Variants in MARCO observed in about 807,000 individuals in gnomAD.
MARCO encodes the protein macrophage receptor MARCO.
Under a neutral mutation model 70.0 loss-of-function variants are expected in MARCO, and 72 were observed. The ratio of observed to expected loss-of-function variants is 1.03; its 90% CI spans 0.85 to 1.25. MARCO has a LOEUF of 1.25. Ranked by LOEUF, MARCO falls within the 50% of genes most tolerant of loss-of-function variation. The pLI is 0.00. For missense variants in MARCO, 696 were observed against 659.3 expected (o/e 1.06, Z -0.61); for synonymous variants, 273 against 243.1 (o/e 1.12, Z -1.14).
At chr2:118,958,090 C>T (rs1274404341) in intron 1 of MARCO, among the ~76,000 whole-genome samples, 1 of 151,728 alleles carries the variant, frequency 6.6e-6, no homozygotes, top group Non-Finnish European at 1.5e-5. Context: ...AGAACGGGAA[C>T]AAGATAAGGA....
Position 118,981,659 on chromosome 2 carries a change from A to G in MARCO, c.901+3A>G. 2 of 1,613,830 alleles carry G rather than the reference A, an allele frequency of 1.2e-6. No homozygotes were observed. The highest frequency in any genetic ancestry group is 1.7e-6 in the Non-Finnish European group (2 of 1,179,768). Reference sequence around the variant, plus strand: ...TCCTGGAGCTAAAGGAGATCAAGGTAAGAACTACAGGAATCTGGGCATCAT... The same window carrying G: ...TCCTGGAGCTAAAGGAGATCAAGGTGAGAACTACAGGAATCTGGGCATCAT... On this transcript the variant is annotated splice_donor_region_variant and intron_variant, in intron 10 of 16. Coordinates refer to ENST00000327097, the MANE Select transcript of MARCO (RefSeq NM_006770.4).
intron 12 of MARCO, among the ~76,000 whole-genome samples, chr2:118,989,251 T>A (rs924034944): frequency 5.9e-5 from 9 of 152,306 alleles, no homozygotes; most frequent in Non-Finnish European, 1.2e-4. Flanking sequence ...GGGACAGGTG[T>A]GTGCACAAAT....
intron 1 of MARCO, among the ~76,000 whole-genome samples, chr2:118,946,059 T>G (rs1384028170): frequency 2.0e-5 from 3 of 152,236 alleles, no homozygotes; most frequent in African/African-American, 7.2e-5. Flanking sequence ...ACATCTGGCT[T>G]TATTGCAGAG....
In MARCO at chr2:118,993,987, G is replaced by A. The variant is rs369226722; in HGVS notation, c.1430-400G>A. ...GCTCCCTGTCCTTACCCAAACCAAAGCAAATGCCCACTTTAGAGCAGGGCG... is the reference window on the plus strand; with the variant it reads ...GCTCCCTGTCCTTACCCAAACCAAAACAAATGCCCACTTTAGAGCAGGGCG... On this transcript the variant is annotated intron_variant, in intron 16 of 16. Coordinates refer to ENST00000327097, the MANE Select transcript of MARCO (RefSeq NM_006770.4). 7.2e-5 allele frequency among the ~76,000 whole-genome samples: 11 copies of A among 152,270 alleles called. No homozygotes were observed. In the East Asian group the frequency reaches 1.5e-3, roughly 21 times the overall value.
chr2:118,985,373 C>A (rs1161399357), intron 12 of MARCO, among the ~76,000 whole-genome samples: 1 of 152,170 alleles, frequency 6.6e-6, no homozygotes, highest in African/African-American at 2.4e-5. Flanking sequence ...CCAAGCCTTT[C>A]TACCTCCTCC....
intron 8 of MARCO, among the ~76,000 whole-genome samples, chr2:118,978,290 C>T (rs1680325100): frequency 6.6e-6 from 1 of 152,108 alleles, no homozygotes; most frequent in Admixed American, 6.5e-5. Context: ...GAGGGAGACC[C>T]CAGGCAGCCA....
chr2:118,990,536 A>G, intron 12 of MARCO, 53 bp from the exon 13 acceptor site: 1 of 1,560,954 alleles, frequency 6.4e-7, no homozygotes, highest in Non-Finnish European at 8.8e-7. Context: ...AAAAATGTCT[A>G]ATACCTAAGT....
At chr2:118,978,550 G>A (rs938972345) in intron 8 of MARCO, among the ~76,000 whole-genome samples, 2 of 152,222 alleles carry the variant, frequency 1.3e-5, no homozygotes, top group African/African-American at 4.8e-5. Context: ...CATTGGGGAG[G>A]CTCTGCAGTG....
At chr2:118,968,221 G>A (rs780251049) in intron 1 of MARCO, among the ~76,000 whole-genome samples, 8 of 152,154 alleles carry the variant, frequency 5.3e-5, no homozygotes, top group South Asian at 2.1e-4. Context: ...AACAGCTGAC[G>A]AAAGACTAGA....
intron 12 of MARCO, among the ~76,000 whole-genome samples, chr2:118,986,926 C>T (rs1475001125): frequency 6.6e-6 from 1 of 152,064 alleles, no homozygotes; most frequent in East Asian, 1.9e-4. Context: ...AGCTACTTGA[C>T]GTTGCTGAGC....
At chr2:118,955,131 G>A (rs1679810970) in intron 1 of MARCO, among the ~76,000 whole-genome samples, 1 of 152,010 alleles carries the variant, frequency 6.6e-6, no homozygotes, top group South Asian at 2.1e-4. Flanking sequence ...AAAAATTCAG[G>A]AGGTTAGTTA....
chr2:118,961,250 G>A lies in MARCO; in HGVS notation c.98-7910G>A, dbSNP rs550735116. Among the ~76,000 whole-genome samples, 6 of 151,804 alleles carry A rather than the reference G, an allele frequency of 4.0e-5. No homozygotes were observed. The East Asian group carries it at 1.2e-3, about 29-fold the overall frequency. ...GAATGGTTTGTAATAGGATTGCTGG[G>A]TCAAATGGTATTTCTGGTTCTAGAT... is the stretch of plus-strand genomic sequence containing the variant. On this transcript the variant is annotated intron_variant, in intron 1 of 16. Coordinates refer to ENST00000327097, the MANE Select transcript of MARCO (RefSeq NM_006770.4).
At chr2:118,956,736 G>A (rs938358671) in intron 1 of MARCO, among the ~76,000 whole-genome samples, 2 of 152,110 alleles carry the variant, frequency 1.3e-5, no homozygotes, top group African/African-American at 4.8e-5. Flanking sequence ...GAGACCATAT[G>A]ATAGGCCATA....
chr2:118,962,090 G>A (rs111600015), intron 1 of MARCO, among the ~76,000 whole-genome samples: 2,542 of 152,164 alleles, frequency 0.017, 64 homozygotes, highest in African/African-American at 0.056. Context: ...GTCTGTTTTT[G>A]TACCAGTACT....
At chr2:118,993,062 C>T (rs913463897) in intron 15 of MARCO, 62 bp from the exon 16 acceptor site, 23 of 1,426,938 alleles carry the variant, frequency 1.6e-5, no homozygotes, top group African/African-American at 8.5e-5. Flanking sequence ...AGAAAGAGCC[C>T]GCACTTACCC....
intron 6 of MARCO, among the ~76,000 whole-genome samples, chr2:118,976,231 C>A (rs2104588011): frequency 6.6e-6 from 1 of 152,304 alleles, no homozygotes; most frequent in African/African-American, 2.4e-5. Context: ...TAAAACCAGG[C>A]AACCCCTTTT....
At chr2:118,970,570 C>T (rs1272282861) in intron 3 of MARCO, among the ~76,000 whole-genome samples, 1 of 152,162 alleles carries the variant, frequency 6.6e-6, no homozygotes, top group East Asian at 1.9e-4. Flanking sequence ...GGACCACTCC[C>T]CCACAGCTGA....
intron 1 of MARCO, among the ~76,000 whole-genome samples, chr2:118,951,991 T>C (rs1031432156): frequency 1.3e-5 from 2 of 152,186 alleles, no homozygotes; most frequent in Non-Finnish European, 2.9e-5. Context: ...TCTGCTGGTC[T>C]TTCCCTGCCT....
intron 1 of MARCO, among the ~76,000 whole-genome samples, chr2:118,945,742 CTACTT>C (rs1679586436): frequency 3.3e-5 from 5 of 152,306 alleles, no homozygotes; most frequent in South Asian, 2.1e-4. Flanking sequence ...AATCTCTCAA[CTACTT>C]CAGGCTTCCC....
Sources: allele counts gnomAD v4.1 joint callset (sites outside exome capture counted in the v4.1 genomes callset), GRCh38; gene constraint gnomAD v4.1.1; transcripts MANE v1.5; gene names NCBI Gene and HGNC (gene_info 2026-07-23, HGNC 2026-07-21).